CPA6: variants seen among roughly 807,000 people sequenced by gnomAD.
CPA6 encodes carboxypeptidase A6.
In CPA6, 58 loss-of-function variants were observed where a neutral mutation model predicts 63.3. That is an observed-to-expected ratio of 0.92 (90% CI 0.74 to 1.14). CPA6 has a LOEUF of 1.14. Among genes scored for constraint, CPA6 ranks in the 50% most tolerant of loss-of-function variants. CPA6 has a pLI of 0.00. For missense variants in CPA6, 565 were observed against 526.6 expected, an observed-to-expected ratio of 1.07 and a Z score of -0.71; for synonymous variants, 185 against 179.0, an observed-to-expected ratio of 1.03 and a Z score of -0.27.
chr8:67,607,091 T>C (rs1284857562), intron 2 of CPA6, among the ~76,000 whole-genome samples: 1 of 149,202 alleles, frequency 6.7e-6, no homozygotes, highest in Non-Finnish European at 1.5e-5. Flanking sequence ...TTCTTCCTCT[T>C]CTTCTTCTTC....
chr8:67,733,079 C>G (rs1034073061), intron 1 of CPA6, among the ~76,000 whole-genome samples: 2 of 151,400 alleles, frequency 1.3e-5, no homozygotes, highest in African/African-American at 4.9e-5. Context: ...ACCTGTAGTC[C>G]CAGCTACTCG....
chr8:67,572,001 A>G (rs1813497681), intron 2 of CPA6, among the ~76,000 whole-genome samples: 1 of 152,208 alleles, frequency 6.6e-6, no homozygotes, highest in African/African-American at 2.4e-5. Context: ...GAAACATTAC[A>G]ACTGACACCG....
chr8:67,466,118 T>C (rs554594019), intron 8 of CPA6, among the ~76,000 whole-genome samples: 106 of 150,730 alleles, frequency 7.0e-4, no homozygotes, highest in Non-Finnish European at 1.4e-3. Flanking sequence ...GGTTTTTAAT[T>C]ACTGCTTCAA....
At chr8:67,685,475 C>T (rs1412369274) in intron 1 of CPA6, among the ~76,000 whole-genome samples, 3 of 152,028 alleles carry the variant, frequency 2.0e-5, no homozygotes, top group East Asian at 1.9e-4. Flanking sequence ...AAAAATTAGC[C>T]GGGCATGGTG....
Position 67,684,728 on chromosome 8 carries a change from C to T in CPA6, c.117-60477G>A, listed in dbSNP as rs1816675455. ...GTTTAGTCAGGCCCCTGAACCTTCTCCTAGGCCCATCTGTCCATTTCCTTG... is the reference window on the plus strand; with the variant it reads ...GTTTAGTCAGGCCCCTGAACCTTCTTCTAGGCCCATCTGTCCATTTCCTTG... On this transcript the variant is annotated intron_variant, in intron 1 of 10. Transcript: ENST00000297770. Among the ~76,000 whole-genome samples the T allele has an allele frequency of 2.6e-5, 4 of 152,172 alleles. No homozygotes were observed. The South Asian group carries it at 8.3e-4, about 32-fold the overall frequency.
intron 8 of CPA6, among the ~76,000 whole-genome samples, chr8:67,461,064 T>TTA (rs1379231527): frequency 4.0e-5 from 6 of 149,022 alleles, no homozygotes; most frequent in African/African-American, 1.0e-4. Flanking sequence ...TTTTTTTTTT[T>TTA]AATTTTAATT....
At chr8:67,667,796 G>GC (rs977110668) in intron 1 of CPA6, among the ~76,000 whole-genome samples, 246 of 152,328 alleles carry the variant, frequency 1.6e-3, no homozygotes, top group African/African-American at 5.8e-3. Flanking sequence ...ATTACTGTGT[G>GC]CCCCGCCCCA....
chr8:67,637,711 G>A (rs1815501134), intron 1 of CPA6, among the ~76,000 whole-genome samples: 1 of 151,416 alleles, frequency 6.6e-6, no homozygotes, highest in African/African-American at 2.5e-5. Flanking sequence ...AGGTAACGTG[G>A]CAACTGTTTC....
intron 1 of CPA6, among the ~76,000 whole-genome samples, chr8:67,720,754 C>G (rs1028039346): frequency 2.0e-5 from 3 of 152,190 alleles, no homozygotes; most frequent in African/African-American, 7.2e-5. Context: ...AAACATGGCT[C>G]ACTTTTAACT....
chr8:67,455,384 CAT>C (rs1810648679), intron 8 of CPA6, among the ~76,000 whole-genome samples: 1 of 151,912 alleles, frequency 6.6e-6, no homozygotes, highest in African/African-American at 2.4e-5. Flanking sequence ...TAGTTTGTTA[CAT>C]GTTATAAAAT....
chr8:67,605,008 C>T (rs1250224172), intron 2 of CPA6, among the ~76,000 whole-genome samples: 1 of 151,740 alleles, frequency 6.6e-6, no homozygotes, highest in Non-Finnish European at 1.5e-5. Flanking sequence ...GATCTCCTGA[C>T]CTCAGGTGAT....
At position 67,430,229 on chromosome 8, in the gene CPA6, G is replaced by C. The variant is rs181567692; in HGVS notation, c.1042-2098C>G. Among the ~76,000 whole-genome samples the C allele has an allele frequency of 9.3e-5, 14 of 149,832 alleles. No homozygotes were observed. In the East Asian group the frequency reaches 2.2e-3, roughly 23 times the overall value. On this transcript the variant is annotated intron_variant, in intron 9 of 10. Coordinates refer to ENST00000297770, the MANE Select transcript of CPA6 (RefSeq NM_020361.5). ...AGTTTTGCTCTTGTCGCCCAGGCTG[G>C]AGTGCAATGGCGTGATCTCGGCTTA... is the stretch of plus-strand genomic sequence containing the variant.
chr8:67,628,566 T>C (rs1404703983), intron 1 of CPA6, among the ~76,000 whole-genome samples: 1 of 152,282 alleles, frequency 6.6e-6, no homozygotes, highest in Non-Finnish European at 1.5e-5. Context: ...TAACAGTTTC[T>C]TGTGTATCAC....
chr8:67,716,263 G>C (rs565076036), intron 1 of CPA6, among the ~76,000 whole-genome samples: 1 of 151,788 alleles, frequency 6.6e-6, no homozygotes, highest in East Asian at 1.9e-4. Context: ...AGACCTAATA[G>C]GTTGCATTCC....
At chr8:67,732,249 C>T (rs1179810893) in intron 1 of CPA6, among the ~76,000 whole-genome samples, 6 of 152,212 alleles carry the variant, frequency 3.9e-5, no homozygotes, top group African/African-American at 1.2e-4. Context: ...GGGATCCCCA[C>T]ATTCCTCCGA....
intron 1 of CPA6, among the ~76,000 whole-genome samples, chr8:67,646,059 G>C (rs1815706694): frequency 6.6e-6 from 1 of 152,184 alleles, no homozygotes; most frequent in Non-Finnish European, 1.5e-5. Context: ...CAAGATGACA[G>C]CCCACTTGAT....
chr8:67,533,342 A>G (rs554805188), intron 2 of CPA6, among the ~76,000 whole-genome samples: 42 of 152,364 alleles, frequency 2.8e-4, no homozygotes, highest in African/African-American at 9.6e-4. Flanking sequence ...GTTAACTGTT[A>G]AGAGATTAAA....
At chr8:67,524,970 A>G (rs1170496279) in intron 2 of CPA6, among the ~76,000 whole-genome samples, 1 of 152,192 alleles carries the variant, frequency 6.6e-6, no homozygotes, top group Non-Finnish European at 1.5e-5. Context: ...AGGTTACAGT[A>G]CTATATTGTT....
chr8:67,654,422 C>A (rs1249930183), intron 1 of CPA6, among the ~76,000 whole-genome samples: 1 of 152,122 alleles, frequency 6.6e-6, no homozygotes, highest in African/African-American at 2.4e-5. Flanking sequence ...AATTTCAGAG[C>A]CTGTTATTGG....
Sources: allele counts gnomAD v4.1 joint callset (sites outside exome capture counted in the v4.1 genomes callset), GRCh38; gene constraint gnomAD v4.1.1; transcripts MANE v1.5; gene names NCBI Gene and HGNC (gene_info 2026-07-23, HGNC 2026-07-21).